SBNO1: variants seen among roughly 807,000 people sequenced by gnomAD.
The protein encoded by SBNO1 is strawberry notch homolog 1, also known as protein strawberry notch homolog 1.
Under a neutral mutation model 173.6 loss-of-function variants are expected in SBNO1, and 23 were observed. The observed-to-expected ratio is 0.13, with a 90% confidence interval of 0.10 to 0.19. The LOEUF (loss-of-function observed/expected upper bound fraction) is 0.19, where lower values mean the gene tolerates loss of function less well. SBNO1 is among the 10% of genes least tolerant of loss of function. The pLI, the probability that SBNO1 is intolerant of heterozygous loss-of-function variation, is 1.00. For synonymous variants in SBNO1, 632 were observed against 571.5 expected, an observed-to-expected ratio of 1.11 and a Z score of -1.51; for missense variants, 1,238 against 1,671.2, an observed-to-expected ratio of 0.74 and a Z score of 4.52.
chr12:123,340,333 C>G (rs1368236065), intron 5 of SBNO1, among the ~76,000 whole-genome samples: 1 of 152,108 alleles, frequency 6.6e-6, no homozygotes, highest in Non-Finnish European at 1.5e-5. Context: ...GTAATCTCAG[C>G]ACTTTCGGAG....
At position 123,336,412 on chromosome 12, in the gene SBNO1, T is replaced by C; in HGVS notation, c.731A>G (p.Glu244Gly). Residue 244 changes from glutamate to glycine, a missense_variant, in exon 6 of 32, where the codon GAA becomes GGA. Glu to Gly is a moderately conservative substitution (Grantham distance 98). Coordinates refer to ENST00000602398, the MANE Select transcript of SBNO1 (RefSeq NM_001167856.3). Reference protein sequence around the residue: ...EEMGHAETYAEYMPIKLKIGL... With the variant: ...EEMGHAETYAGYMPIKLKIGL... ...AGACATACATTTTATTGGCATGTAT[T>C]CTGCATAGGTTTCTGCATGACCCAT... 1 of 1,601,008 alleles carries C rather than the reference T, an allele frequency of 6.2e-7. No individual in the cohort carries two copies. Among genetic ancestry groups the C allele is most frequent in the Non-Finnish European group, 8.5e-7 (1 of 1,170,354 alleles).
chr12:123,301,176 T>C (rs896442463), intron 30 of SBNO1, among the ~76,000 whole-genome samples: 2 of 151,968 alleles, frequency 1.3e-5, no homozygotes, highest in Admixed American at 6.6e-5. Flanking sequence ...CCCTGCTAAT[T>C]TTTTTATTTT....
intron 1 of SBNO1, 83 bp from the exon 2 acceptor site, chr12:123,350,524 A>C (rs1873747755): frequency 2.7e-6 from 3 of 1,092,362 alleles, no homozygotes; most frequent in African/African-American, 3.1e-5. Flanking sequence ...ACAATCCAAC[A>C]ATCTCTATTA....
intron 1 of SBNO1, among the ~76,000 whole-genome samples, chr12:123,360,135 C>T (rs922824637): frequency 6.6e-6 from 1 of 151,784 alleles, no homozygotes; most frequent in Non-Finnish European, 1.5e-5. Context: ...ATCCCAGCTA[C>T]TTGGGAGGCT....
intron 1 of SBNO1, 68 bp downstream of exon 1, chr12:123,364,633 G>GGAA (rs1272198814): frequency 3.1e-6 from 3 of 978,412 alleles, no homozygotes; most frequent in Admixed American, 6.3e-5. Context: ...GGCCCCCCGA[G>GGAA]GGTGGGAGTG....
chr12:123,319,111 A>G (rs764035055), intron 20 of SBNO1, among the ~76,000 whole-genome samples: 2 of 151,060 alleles, frequency 1.3e-5, no homozygotes, highest in African/African-American at 2.4e-5. Context: ...CTACAGGCAC[A>G]TGCCACCACA....
At position 123,316,668 on chromosome 12, in the gene SBNO1, C is replaced by T. The variant is rs1021210714; in HGVS notation, c.2935+553G>A. Reference sequence around the variant, plus strand: ...CTGAGTAGCTGGGACTACAGGCACACGCCACCACACCCAGCAAGTTTTTCT... The same window carrying T: ...CTGAGTAGCTGGGACTACAGGCACATGCCACCACACCCAGCAAGTTTTTCT... On this transcript the variant is annotated intron_variant, in intron 21 of 31. Transcript: ENST00000602398. Among the ~76,000 whole-genome samples the T allele has an allele frequency of 1.1e-4, 17 of 151,482 alleles. No homozygotes were observed. The East Asian group carries it at 1.8e-3, about 16-fold the overall frequency.
At chr12:123,338,197 A>T (rs1872084575) in intron 5 of SBNO1, among the ~76,000 whole-genome samples, 1 of 152,264 alleles carries the variant, frequency 6.6e-6, no homozygotes, top group South Asian at 2.1e-4. Flanking sequence ...CCGGGAAATC[A>T]GGATTTGTAT....
chr12:123,302,998 A>C (rs1593326345), intron 29 of SBNO1, 98 bp from the exon 30 acceptor site: 1 of 885,678 alleles, frequency 1.1e-6, no homozygotes, highest in Admixed American at 2.1e-5. Context: ...AATTTAAAAT[A>C]ATCTCTACAC....
In SBNO1 at chr12:123,311,578, C is replaced by A. The variant is rs929859596; in HGVS notation, c.3221-449G>T. The stretch of plus-strand genomic sequence containing the variant: ...CCATGTTGGCCAGGCTGGTCTCAAA[C>A]TCCTAACCTCCGGAGATCCACCCGG... On this transcript the variant is annotated intron_variant, in intron 24 of 31. Coordinates refer to ENST00000602398, the MANE Select transcript of SBNO1 (RefSeq NM_001167856.3). Among the ~76,000 whole-genome samples, 293 of 151,962 alleles carry A rather than the reference C, an allele frequency of 1.9e-3. 4 individuals carry two copies. Among genetic ancestry groups the A allele is most frequent in the Non-Finnish European group, 3.5e-4 (24 of 67,964 alleles).
At chr12:123,333,502 TATAA>T (rs1871478209) in intron 7 of SBNO1, among the ~76,000 whole-genome samples, 1 of 152,036 alleles carries the variant, frequency 6.6e-6, no homozygotes, top group East Asian at 1.9e-4. Flanking sequence ...TATACATATA[TATAA>T]TTTTTTTTTT....
intron 21 of SBNO1, among the ~76,000 whole-genome samples, chr12:123,316,098 T>C (rs1167370821): frequency 1.3e-5 from 2 of 152,148 alleles, no homozygotes; most frequent in Non-Finnish European, 2.9e-5. Context: ...TCCCACCACA[T>C]ATATATTTTT....
chr12:123,325,613 AAAACATGTT>A lies in SBNO1; in HGVS notation c.1876-23_1876-15del. 1 of 1,478,874 alleles carries A rather than the reference AAAACATGTT, an allele frequency of 6.8e-7. No homozygotes were observed. The highest frequency in any genetic ancestry group is 1.4e-5 in the African/African-American group (1 of 72,034). The allele number at this position is 1,478,874 out of a possible 1,614,324, so 91.6% of individuals were successfully genotyped here. On this transcript the variant is annotated splice_polypyrimidine_tract_variant and intron_variant, in intron 14 of 31. Coordinates refer to ENST00000602398, the MANE Select transcript of SBNO1 (RefSeq NM_001167856.3). ...AATTACAACACACTGGAGAAAAAAG[AAAACATGTT>A]AATTATGAATAATAATGTTTGTGGC... is the stretch of plus-strand genomic sequence containing the variant.
rs756464564 is a variant in SBNO1, at chr12:123,341,096, G to A, written c.551-8C>T. Reference sequence around the variant, plus strand: ...TACCATTGCTTACATCAGCTGAGGAGGAAAAAGTCAAATTACATTTAGAAG... The same window carrying A: ...TACCATTGCTTACATCAGCTGAGGAAGAAAAAGTCAAATTACATTTAGAAG... On this transcript the variant is annotated splice_region_variant and splice_polypyrimidine_tract_variant and intron_variant, in intron 4 of 31. Transcript: ENST00000602398. 21 of 1,448,220 alleles carry A rather than the reference G, an allele frequency of 1.5e-5. No homozygotes were observed. The highest frequency in any genetic ancestry group is 1.9e-5 in the Non-Finnish European group (20 of 1,063,458). 89.7% of individuals were successfully genotyped at this position (1,448,220 alleles called of 1,614,324 possible). A position where few individuals can be genotyped will look rare whatever the true frequency, so the allele number is the denominator to read the frequency against.
chr12:123,317,201 T>C lies in SBNO1; in HGVS notation c.2935+20A>G. The C allele has an allele frequency of 6.2e-7, 1 of 1,613,032 alleles. No homozygotes were observed. The highest frequency in any genetic ancestry group is 1.1e-5 in the South Asian group (1 of 91,028). On this transcript the variant is annotated intron_variant, in intron 21 of 31. Transcript: ENST00000602398. Reference sequence around the variant, plus strand: ...ATTCCTAGCTATCCATTAAGTGAAATCCAGTTTGTAGGAACTTACCGAACT... The same window carrying C: ...ATTCCTAGCTATCCATTAAGTGAAACCCAGTTTGTAGGAACTTACCGAACT...
chr12:123,363,875 G>T (rs542048546), intron 1 of SBNO1: 1,499 of 985,634 alleles, frequency 1.5e-3, no homozygotes, highest in Non-Finnish European at 1.8e-3. Context: ...GGTCAGGAAA[G>T]AAACAATCAG....
At position 123,304,748 on chromosome 12, in the gene SBNO1, G is replaced by T. The variant is rs779601622; in HGVS notation, c.3631-29C>A. On this transcript the variant is annotated intron_variant, in intron 28 of 31. Transcript: ENST00000602398. Reference sequence around the variant, plus strand: ...TTTAAAGAAAATGACAAAATATAAAGATTTTATAATACACACTTTAAGACA... The same window carrying T: ...TTTAAAGAAAATGACAAAATATAAATATTTTATAATACACACTTTAAGACA... The T allele has an allele frequency of 9.6e-6, 13 of 1,351,858 alleles. No homozygotes were observed. The South Asian group carries it at 1.0e-4, about 11-fold the overall frequency. 83.7% of individuals were successfully genotyped at this position (1,351,858 alleles called of 1,614,324 possible). A position where few individuals can be genotyped will look rare whatever the true frequency, so the allele number is the denominator to read the frequency against.
chr12:123,343,832 G>A (rs889781998), intron 4 of SBNO1, among the ~76,000 whole-genome samples: 4 of 152,054 alleles, frequency 2.6e-5, no homozygotes, highest in East Asian at 1.9e-4. Context: ...CACCGCGTCC[G>A]GCCCATCTTT....
At chr12:123,335,075 G>C (rs1008583990) in intron 6 of SBNO1, among the ~76,000 whole-genome samples, 2 of 152,146 alleles carry the variant, frequency 1.3e-5, no homozygotes, top group Non-Finnish European at 2.9e-5. Context: ...CCTGTGGTCC[G>C]AGCTATTCAG....
Sources: gnomAD v4.1 joint callset for allele counts (sites outside exome capture counted in the v4.1 genomes callset) on GRCh38, gnomAD v4.1.1 for gene constraint, MANE v1.5 for transcripts, NCBI Gene and HGNC (gene_info 2026-07-23, HGNC 2026-07-21) for gene names.